Variants in DPYD observed in about 807,000 individuals in gnomAD.
DPYD encodes dihydropyrimidine dehydrogenase.
Under a neutral mutation model 116.2 loss-of-function variants are expected in DPYD, and 109 were observed. The observed-to-expected ratio is 0.94, with a 90% CI of 0.80 to 1.10. DPYD has a LOEUF of 1.10. Ranked by LOEUF, DPYD falls within the 50% of genes least tolerant of loss-of-function variation. The pLI is 0.00. For synonymous variants in DPYD, 440 were observed against 432.0 expected (o/e 1.02, Z -0.23); for missense variants, 1,302 against 1,254.5 (o/e 1.04, Z -0.57).
At chr1:97,313,497 C>CTGTGTGTGTGTGTG (rs58100703) in intron 16 of DPYD, among the ~76,000 whole-genome samples, 4 of 148,620 alleles carry the variant, frequency 2.7e-5, no homozygotes, top group African/African-American at 9.9e-5. Flanking sequence ...ACATGTGTGC[C>CTGTGTGTGTGTGTG]TGTGTGTGTG....
At chr1:97,774,955 C>A in intron 3 of DPYD, 1 of 344,114 alleles carries the variant, frequency 2.9e-6, no homozygotes. Context: ...CAAAGGTCAC[C>A]TCACTGCATG....
intron 14 of DPYD, among the ~76,000 whole-genome samples, chr1:97,396,891 C>T (rs866584546): frequency 6.6e-6 from 1 of 151,886 alleles, no homozygotes; most frequent in South Asian, 2.1e-4. Context: ...GACAGAATCA[C>T]TGCTTTCTCT....
At position 97,679,080 on chromosome 1, in the gene DPYD, G is replaced by A. The variant is rs757340671; in HGVS notation, c.850+15C>T. On this transcript the variant is annotated intron_variant, in intron 8 of 22. Coordinates refer to ENST00000370192, the MANE Select transcript of DPYD (RefSeq NM_000110.4). Reference sequence around the variant, plus strand: ...ATACATTATAAATAAATATATTTAAGAGTAAACTACTCACCTATTCCAATG... The same window carrying A: ...ATACATTATAAATAAATATATTTAAAAGTAAACTACTCACCTATTCCAATG... 1.6e-6 allele frequency: 2 copies of A among 1,286,402 alleles called. No homozygotes were observed. The highest frequency in any genetic ancestry group is 1.5e-5 in the African/African-American group (1 of 67,168). The allele number at this position is 1,286,402 out of a possible 1,614,324, so 79.7% of individuals were successfully genotyped here.
At chr1:97,262,208 G>A (rs770699962) in intron 18 of DPYD, among the ~76,000 whole-genome samples, 1 of 151,940 alleles carries the variant, frequency 6.6e-6, no homozygotes, top group Admixed American at 6.6e-5. Flanking sequence ...TTTGACTGTA[G>A]GTATATCCAT....
intron 5 of DPYD, 126 bp downstream of exon 5, chr1:97,721,384 C>T: frequency 8.6e-7 from 1 of 1,165,674 alleles, no homozygotes; most frequent in South Asian, 1.5e-5. Context: ...TTGTACAAAA[C>T]ATACTTGAGC....
intron 13 of DPYD, among the ~76,000 whole-genome samples, chr1:97,507,354 A>T (rs938589455): frequency 1.6e-4 from 24 of 152,002 alleles, no homozygotes; most frequent in Middle Eastern, 3.2e-3. Flanking sequence ...TTATCAGGAA[A>T]ACAATACTAT....
intron 18 of DPYD, among the ~76,000 whole-genome samples, chr1:97,304,687 G>A (rs1667055341): frequency 6.6e-6 from 1 of 151,972 alleles, no homozygotes. Flanking sequence ...AGAGTGCACA[G>A]GGTAAAGATA....
intron 21 of DPYD, among the ~76,000 whole-genome samples, chr1:97,097,642 G>C (rs1273016934): frequency 6.6e-6 from 1 of 152,098 alleles, no homozygotes; most frequent in Admixed American, 6.6e-5. Flanking sequence ...TTACAAAAGG[G>C]TTACCTGAGG....
At chr1:97,275,964 C>A (rs1664905842) in intron 18 of DPYD, among the ~76,000 whole-genome samples, 1 of 139,894 alleles carries the variant, frequency 7.1e-6, no homozygotes, top group Non-Finnish European at 1.6e-5. Flanking sequence ...GCCATTGGAC[C>A]TCTTTTTTTT....
At chr1:97,488,117 A>T (rs1048465165) in intron 13 of DPYD, among the ~76,000 whole-genome samples, 1 of 152,162 alleles carries the variant, frequency 6.6e-6, no homozygotes, top group East Asian at 1.9e-4. Flanking sequence ...AGCTATTGAC[A>T]TAGGCAAAAT....
chr1:97,791,955 T>A (rs774112028), intron 3 of DPYD, among the ~76,000 whole-genome samples: 4 of 152,092 alleles, frequency 2.6e-5, no homozygotes, highest in Non-Finnish European at 5.9e-5. Flanking sequence ...CGAAGCAGAG[T>A]GCTCATAATA....
At chr1:97,771,975 T>C (rs1452761064) in intron 3 of DPYD, among the ~76,000 whole-genome samples, 6 of 152,182 alleles carry the variant, frequency 3.9e-5, no homozygotes, top group Admixed American at 1.3e-4. Context: ...CTATAAAATT[T>C]AGTAAGTAGA....
At chr1:97,476,467 T>C (rs1230343190) in intron 13 of DPYD, among the ~76,000 whole-genome samples, 1 of 152,288 alleles carries the variant, frequency 6.6e-6, no homozygotes, top group South Asian at 2.1e-4. Flanking sequence ...TAATCAGAGA[T>C]AAAATGATCC....
At chr1:97,080,881 A>G (rs1410188994) in intron 22 of DPYD, among the ~76,000 whole-genome samples, 1 of 152,136 alleles carries the variant, frequency 6.6e-6, no homozygotes, top group Non-Finnish European at 1.5e-5. Flanking sequence ...AGATTTTTCT[A>G]AAGTTGTTCC....
intron 20 of DPYD, among the ~76,000 whole-genome samples, chr1:97,118,605 G>A (rs6681958): frequency 0.33 from 50,059 of 151,986 alleles, 8,706 homozygotes; most frequent in Middle Eastern, 0.45. Context: ...CCATTGAAGA[G>A]TACTGAACGT....
chr1:97,743,756 A>G (rs1664393648), intron 3 of DPYD, among the ~76,000 whole-genome samples: 1 of 152,140 alleles, frequency 6.6e-6, no homozygotes, highest in Non-Finnish European at 1.5e-5. Flanking sequence ...CGTAAACCAC[A>G]GTTCCACATA....
chr1:97,545,237 T>G (rs1034051032), intron 12 of DPYD, among the ~76,000 whole-genome samples: 3 of 152,186 alleles, frequency 2.0e-5, no homozygotes, highest in Admixed American at 6.5e-5. Context: ...CTGTACTTTC[T>G]TGAGCGTATC....
chr1:97,096,777 C>T (rs1650279679), intron 21 of DPYD, among the ~76,000 whole-genome samples: 1 of 152,102 alleles, frequency 6.6e-6, no homozygotes, highest in African/African-American at 2.4e-5. Flanking sequence ...GGAATAAAAG[C>T]TGGCCACCCC....
chr1:97,776,147 C>T (rs770576482), intron 3 of DPYD, among the ~76,000 whole-genome samples: 28 of 152,042 alleles, frequency 1.8e-4, no homozygotes, highest in Non-Finnish European at 3.7e-4. Flanking sequence ...TTTTCATCTG[C>T]TTTATCAAGA....
Sources: allele counts gnomAD v4.1 joint callset (sites outside exome capture counted in the v4.1 genomes callset), GRCh38; gene constraint gnomAD v4.1.1; transcripts MANE v1.5; gene names NCBI Gene and HGNC (gene_info 2026-07-23, HGNC 2026-07-21).